ISOC2: variants seen among roughly 807,000 people sequenced by gnomAD.
The protein encoded by ISOC2 is isochorismatase domain containing 2, also known as isochorismatase domain-containing protein 2.
Under a neutral mutation model 19.3 loss-of-function variants are expected in ISOC2, and 15 were observed. The observed-to-expected ratio is 0.78, with a 90% CI of 0.52 to 1.20. The LOEUF (loss-of-function observed/expected upper bound fraction) is 1.20. Ranked by LOEUF, ISOC2 falls within the 50% of genes most tolerant of loss-of-function variation. The pLI is 0.00. For missense variants in ISOC2, 285 were observed against 272.4 expected, an observed-to-expected ratio of 1.05 and a Z score of -0.33; for synonymous variants, 106 against 115.8, an observed-to-expected ratio of 0.92 and a Z score of 0.54.
Position 55,456,336 on chromosome 19 carries a change from G to A in ISOC2, c.138+13C>T, listed in dbSNP as rs1268871179. On this transcript the variant is annotated intron_variant, in intron 2 of 5. Transcript: ENST00000425675. ...TGGATCCTGGGTCTGAGGGTGGGGG[G>A]CTGAGGTCATACCTTGAGCATGCGG... 3 of 1,613,044 alleles carry A rather than the reference G, an allele frequency of 1.9e-6. No individual in the cohort carries two copies. The highest frequency in any genetic ancestry group is 2.5e-6 in the Non-Finnish European group (3 of 1,179,316).
At chr19:55,459,499 G>C (rs985967566) in intron 1 of ISOC2, among the ~76,000 whole-genome samples, 1 of 152,096 alleles carries the variant, frequency 6.6e-6, no homozygotes, top group Non-Finnish European at 1.5e-5. Flanking sequence ...AGAAACTGAC[G>C]ACAGAAAAAT....
In ISOC2 at chr19:55,454,972, G is replaced by A. The variant is rs199762384; in HGVS notation, c.537+17C>T. Reference sequence around the variant, plus strand: ...TGACAGATGCAGGGGAGGTGGGGGCGGCCAGGCGGGCATTACCTCCTTGAA... The same window carrying A: ...TGACAGATGCAGGGGAGGTGGGGGCAGCCAGGCGGGCATTACCTCCTTGAA... On this transcript the variant is annotated intron_variant, in intron 5 of 5. Transcript: ENST00000425675. 39 of 1,562,472 alleles carry A rather than the reference G, an allele frequency of 2.5e-5. No individual in the cohort carries two copies. Among genetic ancestry groups the A allele is most frequent in the African/African-American group, 2.4e-4 (18 of 73,914 alleles).
In ISOC2 at chr19:55,454,834, G is replaced by T. The variant is rs1003345142; in HGVS notation, c.537+155C>A. The T allele has an allele frequency of 1.0e-5, 7 of 676,026 alleles. 1 individual carries two copies. The highest frequency in any genetic ancestry group is 7.1e-5 in the African/African-American group (4 of 56,198). 41.9% of individuals were successfully genotyped at this position (676,026 alleles called of 1,614,324 possible). On this transcript the variant is annotated intron_variant, in intron 5 of 5. Transcript: ENST00000425675. ...GGTCCATCTGTGGGCTCCTTTCATGGATTTATGGCAGTGACAGTGACCAGC... is the reference window on the plus strand; with the variant it reads ...GGTCCATCTGTGGGCTCCTTTCATGTATTTATGGCAGTGACAGTGACCAGC...
chr19:55,458,041 AGT>A (rs1466311352), intron 1 of ISOC2, among the ~76,000 whole-genome samples: 1 of 146,654 alleles, frequency 6.8e-6, no homozygotes, highest in Non-Finnish European at 1.5e-5. Flanking sequence ...TTTTATGTTA[AGT>A]GCATTTTACC....
intron 1 of ISOC2, among the ~76,000 whole-genome samples, chr19:55,457,620 G>C (rs1285921073): frequency 6.6e-6 from 1 of 151,936 alleles, no homozygotes; most frequent in Non-Finnish European, 1.5e-5. Flanking sequence ...TCTGAGGCCA[G>C]GGGTTTGAGA....
At chr19:55,458,059 TA>T (rs11376226) in intron 1 of ISOC2, among the ~76,000 whole-genome samples, 63 of 142,090 alleles carry the variant, frequency 4.4e-4, no homozygotes, top group Admixed American at 4.9e-4. Context: ...TTACCACAAT[TA>T]AAAAAAAAAA....
chr19:55,456,376 G>C lies in ISOC2; in HGVS notation c.111C>G (p.Ile37Met), dbSNP rs11555785. Residue 37 changes from isoleucine (I) to methionine (M), a missense_variant, in exon 2 of 6, where the codon ATC becomes ATG. Transcript: ENST00000425675. The stretch of plus-strand genomic sequence containing the variant: ...TGAGCATGCGGGCAGCCACTGAGAC[G>C]ATCTGTGGGAAGTAGGCGATGTTGT... ...FRHNIAYFPQ[I>M]VSVAARMLKV... 1.6e-4 allele frequency: 265 copies of C among 1,613,898 alleles called. 5 individuals are homozygous for C. The Middle Eastern group carries it at 6.4e-3, about 39-fold the overall frequency.
Position 55,455,087 on chromosome 19 carries a change from C to A in ISOC2, c.439G>T (p.Ala147Ser). The change falls in exon 5 of 6, where the codon GCT (alanine) becomes TCT (serine). Residue 147 changes from alanine to serine, a missense_variant. By Grantham distance (99) the Ala-to-Ser change is moderately conservative. Coordinates refer to ENST00000425675, the MANE Select transcript of ISOC2 (RefSeq NM_001136201.2). ...CCACTCTGTCTCATGCGGGCCAGAG[C>A]CACCAGCCGGTCCACCTGGCTGTGA... ...SSRSQVDRLV[A>S]LARMRQSGAF... The A allele has an allele frequency of 6.2e-7, 1 of 1,612,984 alleles. No homozygotes were observed. Among genetic ancestry groups the A allele is most frequent in the African/African-American group, 1.3e-5 (1 of 74,980 alleles).
chr19:55,453,191 A>T lies in ISOC2; in HGVS notation c.*117T>A. On this transcript the variant is annotated 3_prime_UTR_variant, in exon 6 of 6. Transcript: ENST00000425675. ...AAGGCAGCACCCTGCCCCCCCCACA[A>T]GGGGGCGGCACTCCTGGTGGATCGC... The T allele has an allele frequency of 1.6e-6, 1 of 627,816 alleles. No homozygotes were observed. Among genetic ancestry groups the T allele is most frequent in the Non-Finnish European group, 2.6e-6 (1 of 379,772 alleles). 38.9% of individuals were successfully genotyped at this position (627,816 alleles called of 1,614,324 possible). A position where few individuals can be genotyped will look rare whatever the true frequency, so the allele number is the denominator to read the frequency against.
At position 55,453,192 on chromosome 19, in the gene ISOC2, G is replaced by T; in HGVS notation, c.*116C>A. On this transcript the variant is annotated 3_prime_UTR_variant, in exon 6 of 6. Coordinates refer to ENST00000425675, the MANE Select transcript of ISOC2 (RefSeq NM_001136201.2). The stretch of plus-strand genomic sequence containing the variant: ...AGGCAGCACCCTGCCCCCCCCACAA[G>T]GGGGCGGCACTCCTGGTGGATCGCA... 4.7e-6 allele frequency: 3 copies of T among 637,118 alleles called. No individual in the cohort carries two copies. The highest frequency in any genetic ancestry group is 7.7e-6 in the Non-Finnish European group (3 of 388,336). 39.5% of individuals were successfully genotyped at this position (637,118 alleles called of 1,614,324 possible). A position where few individuals can be genotyped will look rare whatever the true frequency, so the allele number is the denominator to read the frequency against.
intron 1 of ISOC2, among the ~76,000 whole-genome samples, chr19:55,460,386 G>A (rs796812872): frequency 5.9e-5 from 9 of 152,376 alleles, no homozygotes; most frequent in African/African-American, 2.2e-4. Context: ...AAACAAGCAA[G>A]AAACGGGAGA....
rs1188300878 is a variant in ISOC2 at position 55,455,792 on chromosome 19, G to C, written c.192C>G (p.Gly64=). 1 of 1,564,318 alleles carries C rather than the reference G, an allele frequency of 6.4e-7. No homozygotes were observed. Among genetic ancestry groups the C allele is most frequent in the African/African-American group, 1.4e-5 (1 of 74,038 alleles). Residue 64 remains glycine (G), a synonymous_variant, in exon 3 of 6, where the codon GGC becomes GGG. Coordinates refer to ENST00000425675, the MANE Select transcript of ISOC2 (RefSeq NM_001136201.2). ...PVMLTEQYPQ[G]LGPTVPELGT... ...CCAGCTCGGGCACCGTGGGGCCCAGGCCTTGTGGGTACTGCTCCGTCAGCA... is the reference window on the plus strand; with the variant it reads ...CCAGCTCGGGCACCGTGGGGCCCAGCCCTTGTGGGTACTGCTCCGTCAGCA...
At chr19:55,454,932 CAA>C in intron 5 of ISOC2, 55 bp downstream of exon 5, 1 of 1,332,190 alleles carries the variant, frequency 7.5e-7, no homozygotes, top group African/African-American at 1.4e-5. Context: ...TCTCAGAGCC[CAA>C]AGACAAGACC....
intron 1 of ISOC2, among the ~76,000 whole-genome samples, 196 bp downstream of exon 1, chr19:55,461,316 G>A (rs990912151): frequency 6.6e-6 from 1 of 152,076 alleles, no homozygotes; most frequent in African/African-American, 2.4e-5. Flanking sequence ...CCACCCCCCA[G>A]CGCTGTTACA....
At chr19:55,455,146 C>T in intron 4 of ISOC2, 40 bp from the exon 5 acceptor site, 1 of 1,590,322 alleles carries the variant, frequency 6.3e-7, no homozygotes, top group Non-Finnish European at 8.6e-7. Flanking sequence ...GGTGTGGACG[C>T]CGCAGTCTGG....
intron 3 of ISOC2, 68 bp downstream of exon 3, chr19:55,455,568 G>T: frequency 7.4e-7 from 1 of 1,345,878 alleles, no homozygotes; most frequent in Non-Finnish European, 1.0e-6. Flanking sequence ...GGTCAGGGAA[G>T]GAGGTTCTAT....
chr19:55,453,208 G>T lies in ISOC2; in HGVS notation c.*100C>A. On this transcript the variant is annotated 3_prime_UTR_variant, in exon 6 of 6. Transcript: ENST00000425675. The stretch of plus-strand genomic sequence containing the variant: ...CCCCCACAAGGGGGCGGCACTCCTG[G>T]TGGATCGCACCACTCTTGGGATCCA... 1.2e-6 allele frequency: 1 copy of T among 806,200 alleles called. No individual in the cohort carries two copies. Among genetic ancestry groups the T allele is most frequent in the Non-Finnish European group, 1.9e-6 (1 of 524,668 alleles). The allele number at this position is 806,200 out of a possible 1,614,324, so 49.9% of individuals were successfully genotyped here. A position where few individuals can be genotyped will look rare whatever the true frequency, so the allele number is the denominator to read the frequency against.
At chr19:55,455,886 GGAGGGGC>G in intron 2 of ISOC2, 41 bp from the exon 3 acceptor site, 2 of 1,449,068 alleles carry the variant, frequency 1.4e-6, no homozygotes. Context: ...GTCTGAGGGA[GGAGGGGC>G]TGGGCCTGGA....
chr19:55,453,107 A>C lies in ISOC2; in HGVS notation c.*201T>G. The C allele has an allele frequency of 1.0e-5, 5 of 501,290 alleles. No homozygotes were observed. The highest frequency in any genetic ancestry group is 1.1e-5 in the Non-Finnish European group (3 of 281,650). The allele number at this position is 501,290 out of a possible 1,614,324, so 31.1% of individuals were successfully genotyped here. On this transcript the variant is annotated 3_prime_UTR_variant, in exon 6 of 6. Transcript: ENST00000425675. ...GCCCCGCCTCCATCTTGGCTCAGCC[A>C]ATTCCCACCCAGTTTCCAGGAGTCT...
Sources: gnomAD v4.1 joint callset for allele counts (sites outside exome capture counted in the v4.1 genomes callset) on GRCh38, gnomAD v4.1.1 for gene constraint, MANE v1.5 for transcripts, NCBI Gene and HGNC (gene_info 2026-07-23, HGNC 2026-07-21) for gene names.